The following TOX variants were observed in gnomAD, a reference collection of about 807,000 sequenced individuals.
TOX encodes thymocyte selection-associated high mobility group box protein TOX.
A neutral mutation model predicts 53.7 loss-of-function variants in TOX; 11 were observed. That is an observed-to-expected ratio of 0.20 (90% CI 0.13 to 0.34). TOX has a LOEUF of 0.34. Among genes scored for constraint, TOX ranks in the 10% least tolerant of loss-of-function variants. TOX has a pLI of 1.00. For synonymous variants in TOX, 225 were observed against 245.3 expected (o/e 0.92, Z 0.77); for missense variants, 570 against 664.6 (o/e 0.86, Z 1.56).
At chr8:58,963,130 T>C (rs1308843877) in intron 1 of TOX, among the ~76,000 whole-genome samples, 1 of 152,174 alleles carries the variant, frequency 6.6e-6, no homozygotes, top group Non-Finnish European at 1.5e-5. Context: ...TGACTTGAAA[T>C]AACATTGGCT....
chr8:59,020,127 A>C (rs1216062565), intron 1 of TOX, among the ~76,000 whole-genome samples: 1 of 152,200 alleles, frequency 6.6e-6, no homozygotes, highest in Non-Finnish European at 1.5e-5. Context: ...ATTTTGTGGA[A>C]ATGTTTTCAG....
At chr8:59,028,228 A>G (rs1283892116) in intron 1 of TOX, among the ~76,000 whole-genome samples, 3 of 152,090 alleles carry the variant, frequency 2.0e-5, no homozygotes, top group Non-Finnish European at 2.9e-5. Context: ...TCATTCCTCA[A>G]TAAGAACGAA....
intron 1 of TOX, among the ~76,000 whole-genome samples, chr8:59,097,239 G>T (rs1396138532): frequency 6.6e-6 from 1 of 152,090 alleles, no homozygotes; most frequent in Non-Finnish European, 1.5e-5. Context: ...TACAAACAAT[G>T]CCACCAACTT....
chr8:58,949,199 A>C (rs1812577196), intron 2 of TOX, among the ~76,000 whole-genome samples: 1 of 152,326 alleles, frequency 6.6e-6, no homozygotes, highest in East Asian at 1.9e-4. Flanking sequence ...GCAATCAATA[A>C]ATGTTAGCTA....
chr8:58,850,629 C>T (rs1810797019), intron 4 of TOX, among the ~76,000 whole-genome samples: 1 of 152,170 alleles, frequency 6.6e-6, no homozygotes, highest in African/African-American at 2.4e-5. Flanking sequence ...AGAGTGTCGT[C>T]TGCAATCTCT....
chr8:58,936,363 C>T (rs1028438308), intron 3 of TOX, among the ~76,000 whole-genome samples: 1 of 152,166 alleles, frequency 6.6e-6, no homozygotes, highest in East Asian at 1.9e-4. Flanking sequence ...AGAGTTCCTA[C>T]TGAGTTCATG....
chr8:58,901,955 A>C (rs550232789), intron 3 of TOX, among the ~76,000 whole-genome samples: 107 of 152,214 alleles, frequency 7.0e-4, no homozygotes, highest in Non-Finnish European at 1.4e-3. Context: ...GATATCTTCC[A>C]CATTGTTGTC....
chr8:58,829,189 A>C (rs777384992), intron 5 of TOX, among the ~76,000 whole-genome samples: 1 of 152,172 alleles, frequency 6.6e-6, no homozygotes, highest in South Asian at 2.1e-4. Context: ...CCCTTTGTTG[A>C]GCTCCTGGCA....
chr8:58,845,194 G>A (rs1457458569), intron 4 of TOX, among the ~76,000 whole-genome samples: 3 of 152,116 alleles, frequency 2.0e-5, no homozygotes, highest in Non-Finnish European at 4.4e-5. Flanking sequence ...AATGGAGCTG[G>A]GAGAGCTGTT....
At chr8:58,872,691 T>C (rs1811218288) in intron 3 of TOX, among the ~76,000 whole-genome samples, 1 of 152,160 alleles carries the variant, frequency 6.6e-6, no homozygotes, top group Admixed American at 6.6e-5. Flanking sequence ...ACAAATCTGA[T>C]GGTCTCAAAA....
chr8:59,025,375 C>T (rs563698927), intron 1 of TOX, among the ~76,000 whole-genome samples: 1 of 152,166 alleles, frequency 6.6e-6, no homozygotes, highest in South Asian at 2.1e-4. Context: ...TGTTAAATAC[C>T]TACTGTACAT....
At chr8:58,974,089 T>C (rs1585934900) in intron 1 of TOX, among the ~76,000 whole-genome samples, 2 of 152,294 alleles carry the variant, frequency 1.3e-5, no homozygotes, top group African/African-American at 4.8e-5. Context: ...TGAGCCACTG[T>C]GCCTCACCTG....
chr8:58,881,395 C>A (rs1455941583), intron 3 of TOX, among the ~76,000 whole-genome samples: 3 of 76,356 alleles, frequency 3.9e-5, no homozygotes, highest in African/African-American at 2.4e-4. Context: ...GATTAACTAG[C>A]CCCCATCCTT....
chr8:59,037,526 T>C (rs1233826426), intron 1 of TOX, among the ~76,000 whole-genome samples: 1 of 152,148 alleles, frequency 6.6e-6, no homozygotes, highest in African/African-American at 2.4e-5. Context: ...TTCATTCTCT[T>C]TGTTAATTCA....
intron 2 of TOX, among the ~76,000 whole-genome samples, chr8:58,940,725 A>G (rs762712743): frequency 1.8e-4 from 27 of 152,150 alleles, no homozygotes; most frequent in Non-Finnish European, 1.5e-5. Flanking sequence ...GAGCCAAATA[A>G]AGTAGTGTAA....
At chr8:59,094,737 G>A (rs903352817) in intron 1 of TOX, among the ~76,000 whole-genome samples, 1 of 152,142 alleles carries the variant, frequency 6.6e-6, no homozygotes, top group African/African-American at 2.4e-5. Flanking sequence ...CCCGCAGACC[G>A]CACTGTTAAT....
intron 1 of TOX, among the ~76,000 whole-genome samples, chr8:59,037,545 T>C (rs1585979243): frequency 6.6e-6 from 1 of 152,210 alleles, no homozygotes; most frequent in Non-Finnish European, 1.5e-5. Context: ...CAGAATTTTC[T>C]GTAATCCCAG....
At chr8:59,002,517 G>A (rs1277084877) in intron 1 of TOX, among the ~76,000 whole-genome samples, 5 of 150,984 alleles carry the variant, frequency 3.3e-5, no homozygotes, top group Non-Finnish European at 7.4e-5. Flanking sequence ...GCGTGAACCC[G>A]GGAGGCGGAG....
intron 7 of TOX, among the ~76,000 whole-genome samples, chr8:58,810,067 C>A (rs1406186778): frequency 2.0e-5 from 3 of 151,644 alleles, no homozygotes; most frequent in Non-Finnish European, 1.5e-5. Flanking sequence ...CTCACTGCAG[C>A]CTCAAACTCC....
Sources: allele counts gnomAD v4.1 joint callset (sites outside exome capture counted in the v4.1 genomes callset), GRCh38; gene constraint gnomAD v4.1.1; transcripts MANE v1.5; gene names NCBI Gene and HGNC (gene_info 2026-07-23, HGNC 2026-07-21).